Variants in MBNL2 observed in about 807,000 individuals in gnomAD.
MBNL2 encodes muscleblind like splicing regulator 2.
Under a neutral mutation model 41.9 loss-of-function variants are expected in MBNL2, and 17 were observed. The observed-to-expected ratio is 0.41, with a 90% CI of 0.28 to 0.61. The LOEUF (loss-of-function observed/expected upper bound fraction) is 0.61. Among genes scored for constraint, MBNL2 ranks in the 20% least tolerant of loss-of-function variants. The pLI is 0.35. For missense variants in MBNL2, 336 were observed against 505.6 expected (o/e 0.66, Z 3.22); for synonymous variants, 195 against 182.9 (o/e 1.07, Z -0.53).
the MBNL2 span, among the ~76,000 whole-genome samples, chr13:97,163,005 A>G: frequency 2.6e-5 from 4 of 152,142 alleles, no homozygotes; most frequent in African/African-American, 4.8e-5. Flanking sequence ...GAGATGCTCG[A>G]GAAAACCATT....
At chr13:97,149,186 G>A in the MBNL2 span, among the ~76,000 whole-genome samples, 2 of 152,122 alleles carry the variant, frequency 1.3e-5, no homozygotes, top group Non-Finnish European at 2.9e-5. Flanking sequence ...CAGCCATTAC[G>A]GAAGCGTAAC....
chr13:97,317,572 T>G (rs1182033804), intron 2 of MBNL2, among the ~76,000 whole-genome samples: 1 of 152,230 alleles, frequency 6.6e-6, no homozygotes, highest in Non-Finnish European at 1.5e-5. Flanking sequence ...GTATGCATAA[T>G]CCTTTTGGCT....
intron 7 of MBNL2, among the ~76,000 whole-genome samples, chr13:97,363,463 T>A (rs879425751): frequency 3.1e-3 from 445 of 144,646 alleles, no homozygotes; most frequent in South Asian, 6.0e-3. Flanking sequence ...TGTGTGTGTG[T>A]GATCAAAAAT....
intron 2 of MBNL2, among the ~76,000 whole-genome samples, chr13:97,287,918 GTTTT>G (rs11423615): frequency 8.0e-6 from 1 of 124,630 alleles, no homozygotes; most frequent in Non-Finnish European, 1.6e-5. Flanking sequence ...CTAATTTTCT[GTTTT>G]TTTTTTGTTT....
At chr13:97,214,139 T>C in the MBNL2 span, among the ~76,000 whole-genome samples, 5 of 152,120 alleles carry the variant, frequency 3.3e-5, no homozygotes, top group African/African-American at 9.7e-5. Context: ...AAAAACTCTT[T>C]GTAGGGATCT....
intron 8 of MBNL2, among the ~76,000 whole-genome samples, chr13:97,381,777 A>G (rs1313770561): frequency 6.6e-6 from 1 of 151,850 alleles, no homozygotes; most frequent in Non-Finnish European, 1.5e-5. Flanking sequence ...GAACAAAAAT[A>G]GATATATTAG....
the MBNL2 span, among the ~76,000 whole-genome samples, chr13:97,178,349 CA>C: frequency 6.6e-6 from 1 of 151,992 alleles, no homozygotes; most frequent in Admixed American, 6.6e-5. Context: ...ATGATCAGCA[CA>C]GGGAAATTTA....
At chr13:97,259,359 G>T (rs2048167480) in intron 1 of MBNL2, among the ~76,000 whole-genome samples, 1 of 152,070 alleles carries the variant, frequency 6.6e-6, no homozygotes, top group Non-Finnish European at 1.5e-5. Context: ...TCACAGTCCG[G>T]GGCATAAGCA....
chr13:97,271,548 C>A (rs2051030191), intron 1 of MBNL2, among the ~76,000 whole-genome samples: 1 of 152,102 alleles, frequency 6.6e-6, no homozygotes, highest in Non-Finnish European at 1.5e-5. Flanking sequence ...GTTTGCTGCA[C>A]CTATTGACCT....
intron 2 of MBNL2, among the ~76,000 whole-genome samples, chr13:97,311,362 T>A (rs1566408990): frequency 6.6e-6 from 1 of 152,182 alleles, no homozygotes; most frequent in Non-Finnish European, 1.5e-5. Context: ...TATAAAAATA[T>A]GAAACTGTCA....
chr13:97,153,214 T>C, the MBNL2 span, among the ~76,000 whole-genome samples: 1 of 152,156 alleles, frequency 6.6e-6, no homozygotes, highest in Non-Finnish European at 1.5e-5. Flanking sequence ...TGTTCTTGAC[T>C]CAGAGCAATG....
At chr13:97,328,133 T>G (rs1935185543) in intron 2 of MBNL2, among the ~76,000 whole-genome samples, 1 of 151,818 alleles carries the variant, frequency 6.6e-6, no homozygotes, top group Admixed American at 6.6e-5. Flanking sequence ...CGCTGCATTT[T>G]AAATCCAATT....
rs945854976 is a variant in MBNL2, at chr13:97,226,310, G to A, written c.-605+3779G>A. Among the ~76,000 whole-genome samples, 79 of 152,176 alleles carry A rather than the reference G, an allele frequency of 5.2e-4. 2 individuals are homozygous for A. Among genetic ancestry groups the A allele is most frequent in the Non-Finnish European group, 2.9e-5 (2 of 68,032 alleles). ...CCTCCTCAATACAGCAGAAACGCTT[G>A]GTAATAAAAGTGGACTCAATAATTT... is the stretch of plus-strand genomic sequence containing the variant. On this transcript the variant is annotated intron_variant, in intron 1 of 8. Coordinates refer to ENST00000679496, the MANE Select transcript of MBNL2 (RefSeq NM_001382683.1).
chr13:97,218,840 C>T (rs1180864442), upstream of MBNL2, among the ~76,000 whole-genome samples: 1 of 151,648 alleles, frequency 6.6e-6, no homozygotes, highest in Non-Finnish European at 1.5e-5. Flanking sequence ...TCAATTAATT[C>T]ATTTAACATA....
intron 8 of MBNL2, among the ~76,000 whole-genome samples, chr13:97,373,605 A>ATAT (rs2064618432): frequency 2.1e-5 from 3 of 145,390 alleles, no homozygotes; most frequent in African/African-American, 7.6e-5. Flanking sequence ...GTATGCTAAA[A>ATAT]ATATATATAT....
chr13:97,296,559 T>C (rs2057043975), intron 2 of MBNL2, among the ~76,000 whole-genome samples: 1 of 152,118 alleles, frequency 6.6e-6, no homozygotes, highest in Non-Finnish European at 1.5e-5. Flanking sequence ...ACAGAATTTT[T>C]CAGTGTAGCT....
the MBNL2 span, among the ~76,000 whole-genome samples, chr13:97,170,342 T>TTC: frequency 1.3e-5 from 2 of 152,340 alleles, no homozygotes; most frequent in South Asian, 4.1e-4. Flanking sequence ...TTAGTAATAA[T>TTC]TATGGAACAT....
At chr13:97,154,259 G>T in the MBNL2 span, among the ~76,000 whole-genome samples, 1 of 152,020 alleles carries the variant, frequency 6.6e-6, no homozygotes, top group Admixed American at 6.6e-5. Context: ...TTTAAATAAG[G>T]CTTTTAGCTT....
In MBNL2 at chr13:97,334,844, T is replaced by C. The variant is rs1036772038; in HGVS notation, c.339+404T>C. ...TGGCACCATTTAAAGGATGAGGAAA[T>C]TGAGAAACCAGAGAAGTTCAATGAT... On this transcript the variant is annotated intron_variant, in intron 3 of 8. Transcript: ENST00000679496. This position sits in a 1 kb window ranked among gnomAD's most constrained non-coding sequence, Gnocchi z 5.3. 1.3e-5 allele frequency among the ~76,000 whole-genome samples: 2 copies of C among 152,210 alleles called. No individual in the cohort carries two copies. Among genetic ancestry groups the C allele is most frequent in the African/African-American group, 4.8e-5 (2 of 41,452 alleles).
Sources: gnomAD v4.1 joint callset for allele counts (sites outside exome capture counted in the v4.1 genomes callset) on GRCh38, gnomAD v4.1.1 for gene constraint, Gnocchi (gnomAD v3.1) non-coding constraint, MANE v1.5 for transcripts, NCBI Gene and HGNC (gene_info 2026-07-23, HGNC 2026-07-21) for gene names.